SV2C: variants seen among roughly 807,000 people sequenced by gnomAD.
SV2C encodes solute carrier family 22 member B3.
Under a neutral mutation model 79.7 loss-of-function variants are expected in SV2C, and 49 were observed. The observed-to-expected ratio is 0.61, with a 90% CI of 0.49 to 0.78. The LOEUF is 0.78. Among genes scored for constraint, SV2C ranks in the 30% least tolerant of loss-of-function variants. SV2C has a pLI of 0.00. For synonymous variants in SV2C, 334 were observed against 333.2 expected (o/e 1.00, Z -0.03); for missense variants, 833 against 912.9 (o/e 0.91, Z 1.13).
chr5:76,231,285 G>A (rs1296282624), intron 4 of SV2C, among the ~76,000 whole-genome samples: 1 of 152,018 alleles, frequency 6.6e-6, no homozygotes, highest in African/African-American at 2.4e-5. Flanking sequence ...TAGTTAGTTT[G>A]ATTTAATCAT....
At chr5:76,166,106 T>C (rs1197175229) in intron 2 of SV2C, among the ~76,000 whole-genome samples, 7 of 152,242 alleles carry the variant, frequency 4.6e-5, no homozygotes, top group Non-Finnish European at 1.0e-4. Context: ...TTTCCTGATA[T>C]TGTTTCTGCT....
At chr5:75,989,212 G>A in the SV2C span, among the ~76,000 whole-genome samples, 2 of 151,754 alleles carry the variant, frequency 1.3e-5, no homozygotes, top group African/African-American at 4.8e-5. Flanking sequence ...ATAAGTAAAC[G>A]TGTGATATGG....
chr5:76,014,953 C>T, the SV2C span, among the ~76,000 whole-genome samples: 1 of 152,282 alleles, frequency 6.6e-6, no homozygotes, highest in African/African-American at 2.4e-5. Context: ...CAGTTAAATA[C>T]ATTCCATTCT....
chr5:76,170,783 AGGCGCCGCG>A, intron 2 of SV2C: 1 of 230,982 alleles, frequency 4.3e-6, no homozygotes, highest in Non-Finnish European at 8.2e-6. Flanking sequence ...GAAGGCTCGA[AGGCGCCGCG>A]GGCTGGGGTC....
Position 76,208,145 on chromosome 5 carries a change from T to C in SV2C, c.762-1591T>C, listed in dbSNP as rs150184441. On this transcript the variant is annotated intron_variant, in intron 3 of 12. Coordinates refer to ENST00000502798, the MANE Select transcript of SV2C (RefSeq NM_014979.4). ...ATATAGATGCCTAAAGTTTGTGAAT[T>C]TTAAACTCTTTGAACAGGAACTCCC... 1.0e-3 allele frequency among the ~76,000 whole-genome samples: 156 copies of C among 152,300 alleles called. 1 individual carries two copies. The East Asian group carries it at 0.021, about 21-fold the overall frequency.
At chr5:76,122,506 T>C (rs1213798064) in intron 1 of SV2C, among the ~76,000 whole-genome samples, 2 of 151,766 alleles carry the variant, frequency 1.3e-5, no homozygotes, top group African/African-American at 2.4e-5. Flanking sequence ...TGGCTGTGGG[T>C]TTGTCATAAA....
the SV2C span, among the ~76,000 whole-genome samples, chr5:75,959,066 T>C: frequency 6.6e-6 from 1 of 151,968 alleles, no homozygotes; most frequent in Admixed American, 6.6e-5. Context: ...TCAGATTTTG[T>C]TCATTTATGC....
the SV2C span, among the ~76,000 whole-genome samples, chr5:75,936,451 A>G: frequency 6.6e-6 from 1 of 152,198 alleles, no homozygotes; most frequent in African/African-American, 2.4e-5. Context: ...ATTTCCAACT[A>G]TTAATAGTAT....
the SV2C span, among the ~76,000 whole-genome samples, chr5:76,048,959 G>GAAA: frequency 1.1e-4 from 13 of 119,174 alleles, 1 homozygote; most frequent in African/African-American, 3.9e-4. Context: ...GAGAGAGAAA[G>GAAA]AAAAAGAGAA....
the SV2C span, among the ~76,000 whole-genome samples, chr5:75,989,441 T>C: frequency 1.3e-5 from 2 of 152,134 alleles, no homozygotes; most frequent in Non-Finnish European, 2.9e-5. Context: ...GCTCCATTTA[T>C]GTCCCTGCAA....
the SV2C span, among the ~76,000 whole-genome samples, chr5:76,045,410 T>A: frequency 2.0e-5 from 3 of 152,164 alleles, no homozygotes; most frequent in Non-Finnish European, 4.4e-5. Context: ...TTTTTGGGTT[T>A]CATATGAATT....
rs546326737 is a variant in SV2C, at chr5:76,273,478, G to GA, written c.914-11675dup. 3.0e-4 allele frequency among the ~76,000 whole-genome samples: 45 copies of GA among 149,820 alleles called. 1 individual carries two copies. The highest frequency in any genetic ancestry group is 4.7e-4 in the Admixed American group (7 of 15,010). On this transcript the variant is annotated intron_variant, in intron 4 of 12. Transcript: ENST00000502798. ...TGGGGCACTCACAGAAGATATTCCAGAAAAAAAAATGACCCTAAAAAAATA... is the reference window on the plus strand; with the variant it reads ...TGGGGCACTCACAGAAGATATTCCAGAAAAAAAAAATGACCCTAAAAAAATA...
rs151102803 is a variant in SV2C, at chr5:76,224,867, C to T, written c.913+14980C>T. ...AACTTTATTTTTTTACATAACCTACCATCAGAGGCATTGATGTTAAATTAC... is the reference window on the plus strand; with the variant it reads ...AACTTTATTTTTTTACATAACCTACTATCAGAGGCATTGATGTTAAATTAC... On this transcript the variant is annotated intron_variant, in intron 4 of 12. Transcript: ENST00000502798. Among the ~76,000 whole-genome samples, 481 of 152,238 alleles carry T rather than the reference C, an allele frequency of 3.2e-3. 6 individuals carry two copies. Among genetic ancestry groups the T allele is most frequent in the African/African-American group, 0.011 (458 of 41,546 alleles).
At chr5:76,043,168 C>A in the SV2C span, among the ~76,000 whole-genome samples, 1 of 152,282 alleles carries the variant, frequency 6.6e-6, no homozygotes, top group Non-Finnish European at 1.5e-5. Context: ...GAGAAGGATG[C>A]CTGCCAACCC....
the SV2C span, among the ~76,000 whole-genome samples, chr5:76,045,134 T>C: frequency 6.6e-6 from 1 of 152,244 alleles, no homozygotes; most frequent in Non-Finnish European, 1.5e-5. Context: ...AGCGTATGGC[T>C]AACCAGTTTT....
intron 5 of SV2C, 80 bp from the exon 6 acceptor site, chr5:76,285,701 C>A: frequency 8.5e-7 from 1 of 1,170,020 alleles, no homozygotes; most frequent in Non-Finnish European, 1.3e-6. Flanking sequence ...TTTGATCTGA[C>A]AATGCAAGAC....
At chr5:76,076,487 A>G in the SV2C span, among the ~76,000 whole-genome samples, 1 of 152,202 alleles carries the variant, frequency 6.6e-6, no homozygotes, top group Non-Finnish European at 1.5e-5. Context: ...ACTTCATGTT[A>G]TCATGCTTCC....
At chr5:76,079,006 C>A, upstream of SV2C, 1 of 442,172 alleles carries the variant, frequency 2.3e-6, no homozygotes, top group Non-Finnish European at 4.5e-6. Flanking sequence ...GCGATTACCA[C>A]CTGTAGTTTG....
At chr5:75,968,601 T>A in the SV2C span, among the ~76,000 whole-genome samples, 2 of 151,886 alleles carry the variant, frequency 1.3e-5, no homozygotes, top group African/African-American at 4.8e-5. Flanking sequence ...ATGAATGAAA[T>A]GAAGTGTGAA....
Sources: allele counts gnomAD v4.1 joint callset (sites outside exome capture counted in the v4.1 genomes callset), GRCh38; gene constraint gnomAD v4.1.1; transcripts MANE v1.5; gene names NCBI Gene and HGNC (gene_info 2026-07-23, HGNC 2026-07-21).